OR51B5: variants seen among roughly 807,000 people sequenced by gnomAD.
OR51B5 encodes olfactory receptor 51B5.
For synonymous variants in OR51B5, 186 were observed against 144.8 expected, an observed-to-expected ratio of 1.28 and a Z score of -2.04; for missense variants, 456 against 374.6, an observed-to-expected ratio of 1.22 and a Z score of -1.79.
intron 1 of OR51B5, among the ~76,000 whole-genome samples, chr11:5,476,630 G>T (rs1035148866): frequency 6.6e-6 from 1 of 152,162 alleles, no homozygotes. Context: ...GACAAGAACT[G>T]TAAGACTTTT....
rs538201756 is a variant in OR51B5, at chr11:5,410,611, GA to G, written n.85-63702del. On this transcript the variant is annotated intron_variant and non_coding_transcript_variant, in intron 1 of 4. Coordinates refer to the OR51B5 transcript ENST00000415970. The stretch of plus-strand genomic sequence containing the variant: ...TTTGAGAGAGTATTTCTTCTACTTA[GA>G]AAAAAAAAGTTAACTGTAAAAAAGA... Among the ~76,000 whole-genome samples, 6 of 151,188 alleles carry G rather than the reference GA, an allele frequency of 4.0e-5. No homozygotes were observed. In the South Asian group the frequency reaches 8.4e-4, roughly 21 times the overall value.
At chr11:5,376,490 C>T (rs1375713725) in intron 1 of OR51B5, among the ~76,000 whole-genome samples, 1 of 151,996 alleles carries the variant, frequency 6.6e-6, no homozygotes, top group Non-Finnish European at 1.5e-5. Context: ...AACAGAGACA[C>T]AAAAAACCCT....
chr11:5,385,471 T>G (rs1021487450), intron 1 of OR51B5: 1 of 151,148 alleles, frequency 6.6e-6, no homozygotes, highest in African/African-American at 2.4e-5. Context: ...GAGTACTTTA[T>G]TTATTCACCC....
intron 1 of OR51B5, among the ~76,000 whole-genome samples, chr11:5,425,337 T>C (rs1850431929): frequency 6.6e-6 from 1 of 152,212 alleles, no homozygotes; most frequent in South Asian, 2.1e-4. Context: ...CAGGCTACCA[T>C]AAATAATGTC....
chr11:5,370,336 G>GAGAT lies in OR51B5; in HGVS notation n.85-23430_85-23427dup, dbSNP rs1417471092. ...AGGATTGGAAATGCTACAGCAAAGT[G>GAGAT]AGATAGGCATTTTATGTATATCATC... On this transcript the variant is annotated intron_variant and non_coding_transcript_variant, in intron 1 of 4. Coordinates refer to the OR51B5 transcript ENST00000415970. Among the ~76,000 whole-genome samples the GAGAT allele has an allele frequency of 1.3e-5, 2 of 152,150 alleles. 1 individual carries two copies. The highest frequency in any genetic ancestry group is 4.8e-5 in the African/African-American group (2 of 41,432).
At chr11:5,372,109 T>A (rs1044943803) in intron 1 of OR51B5, among the ~76,000 whole-genome samples, 3 of 152,198 alleles carry the variant, frequency 2.0e-5, no homozygotes, top group Admixed American at 2.0e-4. Context: ...TACATACATA[T>A]GACATATATC....
chr11:5,488,271 A>C (rs1291954923), intron 1 of OR51B5, among the ~76,000 whole-genome samples: 1 of 152,222 alleles, frequency 6.6e-6, no homozygotes, highest in African/African-American at 2.4e-5. Context: ...GGAAGCAGGG[A>C]AACTTGTATT....
At chr11:5,463,632 G>A (rs1851091627) in intron 1 of OR51B5, among the ~76,000 whole-genome samples, 1 of 152,084 alleles carries the variant, frequency 6.6e-6, no homozygotes, top group South Asian at 2.1e-4. Context: ...GCTTTGTTTA[G>A]GTTTTTGTTT....
intron 1 of OR51B5, among the ~76,000 whole-genome samples, chr11:5,463,231 C>T (rs1028438612): frequency 3.9e-5 from 6 of 152,158 alleles, no homozygotes; most frequent in Non-Finnish European, 8.8e-5. Flanking sequence ...CGTCAGTTGA[C>T]AATAAATATT....
intron 1 of OR51B5, among the ~76,000 whole-genome samples, chr11:5,435,685 T>A (rs1850582809): frequency 6.6e-6 from 1 of 152,194 alleles, no homozygotes; most frequent in Non-Finnish European, 1.5e-5. Flanking sequence ...TAGCTATTTC[T>A]CCAAGTGTCT....
At chr11:5,399,862 G>T (rs1394121755) in intron 1 of OR51B5, among the ~76,000 whole-genome samples, 1 of 152,070 alleles carries the variant, frequency 6.6e-6, no homozygotes, top group Non-Finnish European at 1.5e-5. Context: ...CTAGTTTCAA[G>T]TATCAGTCAA....
chr11:5,472,091 T>G (rs765067353), intron 1 of OR51B5, among the ~76,000 whole-genome samples: 1 of 152,078 alleles, frequency 6.6e-6, no homozygotes, highest in Non-Finnish European at 1.5e-5. Flanking sequence ...CACTGAGGCA[T>G]TCACACCAAA....
At chr11:5,377,176 A>T (rs1355729813) in intron 1 of OR51B5, among the ~76,000 whole-genome samples, 1 of 152,126 alleles carries the variant, frequency 6.6e-6, no homozygotes, top group Non-Finnish European at 1.5e-5. Context: ...CAATAAATGT[A>T]ATCCAGCATA....
chr11:5,420,912 T>C (rs1340818655), intron 1 of OR51B5, among the ~76,000 whole-genome samples: 2 of 152,196 alleles, frequency 1.3e-5, no homozygotes, highest in African/African-American at 4.8e-5. Flanking sequence ...TTAAGATGAA[T>C]GCCCCTTGAA....
chr11:5,371,704 G>C (rs1849450895), intron 1 of OR51B5, among the ~76,000 whole-genome samples: 1 of 152,046 alleles, frequency 6.6e-6, no homozygotes, highest in Non-Finnish European at 1.5e-5. Flanking sequence ...CTTCAATCAA[G>C]CAAATTAACC....
chr11:5,469,299 G>A (rs10768978), intron 1 of OR51B5: 85,769 of 153,854 alleles, frequency 0.56, 24,896 homozygotes, highest in South Asian at 0.67. Flanking sequence ...ATGTTGCCCA[G>A]GAAGGAAATA....
intron 1 of OR51B5, among the ~76,000 whole-genome samples, chr11:5,364,489 C>T (rs1232784238): frequency 1.3e-5 from 2 of 152,216 alleles, no homozygotes; most frequent in Non-Finnish European, 2.9e-5. Flanking sequence ...AATGGTCAGT[C>T]TCCTTGCTGG....
At chr11:5,467,808 C>G (rs370601161) in intron 1 of OR51B5, among the ~76,000 whole-genome samples, 1 of 152,196 alleles carries the variant, frequency 6.6e-6, no homozygotes, top group Non-Finnish European at 1.5e-5. Context: ...CTTGCCAGCC[C>G]ATCAATCAAC....
chr11:5,413,427 C>A (rs1386399521), intron 1 of OR51B5, among the ~76,000 whole-genome samples: 1 of 152,162 alleles, frequency 6.6e-6, no homozygotes, highest in East Asian at 1.9e-4. Flanking sequence ...TGCAACAAAG[C>A]TGGACAGAGA....
Sources: gnomAD v4.1 joint callset for allele counts (sites outside exome capture counted in the v4.1 genomes callset) on GRCh38, gnomAD v4.1.1 for gene constraint, MANE v1.5 for transcripts, NCBI Gene and HGNC (gene_info 2026-07-23, HGNC 2026-07-21) for gene names.